The following RABGAP1L variants were observed in gnomAD, a reference collection of about 807,000 sequenced individuals.
RABGAP1L encodes the protein rab GTPase-activating protein 1-like.
Under a neutral mutation model 137.7 loss-of-function variants are expected in RABGAP1L, and 63 were observed. The ratio of observed to expected loss-of-function variants is 0.46; its 90% CI spans 0.37 to 0.56. RABGAP1L has a LOEUF of 0.56. Ranked by LOEUF, RABGAP1L falls within the 20% of genes least tolerant of loss-of-function variation. The pLI, the probability that RABGAP1L is intolerant of heterozygous loss-of-function variation, is 0.00. For missense variants in RABGAP1L, 1,095 were observed against 1,244.0 expected, an observed-to-expected ratio of 0.88 and a Z score of 1.80; for synonymous variants, 431 against 433.7, an observed-to-expected ratio of 0.99 and a Z score of 0.08.
chr1:174,583,469 CA>C lies in RABGAP1L; in HGVS notation c.1711-53902del, dbSNP rs1668888200. 2.6e-5 allele frequency among the ~76,000 whole-genome samples: 4 copies of C among 152,078 alleles called. No homozygotes were observed. The South Asian group carries it at 8.3e-4, about 32-fold the overall frequency. On this transcript the variant is annotated intron_variant, in intron 13 of 25. Transcript: ENST00000681986. ...TGTATGTTTGCCTGTGAGTCAGATG[CA>C]AAAGTTTTCAGTAATTATTCTATGA... is the stretch of plus-strand genomic sequence containing the variant.
intron 13 of RABGAP1L, among the ~76,000 whole-genome samples, chr1:174,471,762 C>T (rs974716570): frequency 3.3e-5 from 5 of 152,288 alleles, no homozygotes; most frequent in African/African-American, 1.2e-4. Context: ...TTTCAGGAGT[C>T]AGACCAGATA....
intron 13 of RABGAP1L, among the ~76,000 whole-genome samples, chr1:174,431,936 A>G (rs1335896161): frequency 6.6e-6 from 1 of 152,024 alleles, no homozygotes; most frequent in Non-Finnish European, 1.5e-5. Flanking sequence ...ACTTGGGATC[A>G]TTTTTCTTTT....
At chr1:174,588,614 T>G (rs770996391) in intron 13 of RABGAP1L, among the ~76,000 whole-genome samples, 1 of 152,194 alleles carries the variant, frequency 6.6e-6, no homozygotes, top group Non-Finnish European at 1.5e-5. Flanking sequence ...CCCGCTACCC[T>G]TCTCAACCTA....
intron 11 of RABGAP1L, among the ~76,000 whole-genome samples, chr1:174,366,544 C>T (rs372351465): frequency 8.6e-5 from 13 of 151,876 alleles, no homozygotes; most frequent in African/African-American, 3.1e-4. Context: ...CTGAGGTGGA[C>T]AGATCACTTG....
chr1:174,377,519 A>T (rs1685652887), intron 12 of RABGAP1L, among the ~76,000 whole-genome samples: 1 of 152,218 alleles, frequency 6.6e-6, no homozygotes, highest in Non-Finnish European at 1.5e-5. Context: ...TGGCATAGAA[A>T]AGAGAGTTCA....
intron 1 of RABGAP1L, among the ~76,000 whole-genome samples, chr1:174,212,086 A>G (rs1365679987): frequency 6.6e-6 from 1 of 152,158 alleles, no homozygotes; most frequent in Non-Finnish European, 1.5e-5. Flanking sequence ...CAAAAAATCA[A>G]CAAAGAGTAA....
chr1:174,246,256 T>C (rs974646893), intron 5 of RABGAP1L: 27 of 152,202 alleles, frequency 1.8e-4, no homozygotes, highest in Admixed American at 5.9e-4. Context: ...CAAACAGATA[T>C]ACAGTTTTGT....
At chr1:174,695,467 T>G (rs1387747563) in intron 15 of RABGAP1L, among the ~76,000 whole-genome samples, 1 of 152,164 alleles carries the variant, frequency 6.6e-6, no homozygotes, top group African/African-American at 2.4e-5. Context: ...TTTTTATTAT[T>G]TCAGTCTTTT....
intron 18 of RABGAP1L, among the ~76,000 whole-genome samples, chr1:174,809,152 A>G (rs886965830): frequency 2.0e-5 from 3 of 152,214 alleles, no homozygotes; most frequent in African/African-American, 7.2e-5. Context: ...ACACCTTTGT[A>G]TACTTGAGCC....
At chr1:174,677,536 G>A (rs1263983779) in intron 14 of RABGAP1L, among the ~76,000 whole-genome samples, 1 of 152,180 alleles carries the variant, frequency 6.6e-6, no homozygotes, top group Non-Finnish European at 1.5e-5. Context: ...CATTTCTTAT[G>A]GCTAAGGTTG....
chr1:174,220,924 T>A (rs747821961), intron 2 of RABGAP1L, 48 bp from the exon 3 acceptor site: 3 of 1,429,046 alleles, frequency 2.1e-6, no homozygotes, highest in Non-Finnish European at 2.8e-6. Context: ...AAATTTAGCT[T>A]CAGAACTATG....
chr1:174,530,176 A>G (rs2147883031), intron 13 of RABGAP1L, among the ~76,000 whole-genome samples: 2 of 151,568 alleles, frequency 1.3e-5, no homozygotes, highest in Admixed American at 1.3e-4. Flanking sequence ...CAGCAGCACA[A>G]CTGCCTTGTC....
intron 13 of RABGAP1L, among the ~76,000 whole-genome samples, chr1:174,607,388 C>G (rs1440873762): frequency 1.3e-5 from 2 of 152,166 alleles, no homozygotes; most frequent in African/African-American, 4.8e-5. Flanking sequence ...GCAATACCTG[C>G]TCTCAGAGGG....
At position 174,167,364 on chromosome 1, in the gene RABGAP1L, G is replaced by A. The variant is rs546320699; in HGVS notation, c.-34+7707G>A. On this transcript the variant is annotated intron_variant, in intron 1 of 25. Coordinates refer to ENST00000681986, the MANE Select transcript of RABGAP1L (RefSeq NM_001366446.1). ...TGTAAACATTTGTAAAGATATACAC[G>A]CATACACATAGTGTGCATATATGTA... Among the ~76,000 whole-genome samples the A allele has an allele frequency of 1.3e-4, 20 of 152,190 alleles. No individual in the cohort carries two copies. In the South Asian group the frequency reaches 2.7e-3, roughly 20 times the overall value.
intron 19 of RABGAP1L, among the ~76,000 whole-genome samples, chr1:174,857,559 C>A (rs1352252159): frequency 6.6e-6 from 1 of 151,996 alleles, no homozygotes; most frequent in Non-Finnish European, 1.5e-5. Flanking sequence ...ATAATAAATT[C>A]ATCAATAAAC....
chr1:174,700,461 G>C (rs1018916217), intron 16 of RABGAP1L: 1 of 152,298 alleles, frequency 6.6e-6, no homozygotes, highest in Admixed American at 6.5e-5. Context: ...TGGAATGTGA[G>C]AGCAGAAGAT....
chr1:174,426,942 C>G (rs1043169179), intron 13 of RABGAP1L, among the ~76,000 whole-genome samples: 6 of 151,968 alleles, frequency 3.9e-5, no homozygotes, highest in Admixed American at 3.3e-4. Flanking sequence ...TCAATCATAA[C>G]AATATGTAAT....
At chr1:174,723,115 C>T (rs1274283553) in intron 17 of RABGAP1L, among the ~76,000 whole-genome samples, 1 of 152,010 alleles carries the variant, frequency 6.6e-6, no homozygotes, top group Non-Finnish European at 1.5e-5. Flanking sequence ...GCTCTTGTTG[C>T]CCAGGCTGGA....
chr1:174,605,907 A>G (rs1670757820), intron 13 of RABGAP1L, among the ~76,000 whole-genome samples: 1 of 152,202 alleles, frequency 6.6e-6, no homozygotes, highest in African/African-American at 2.4e-5. Flanking sequence ...TAAACTTTTC[A>G]TAAAGCATGA....
Sources: gnomAD v4.1 joint callset for allele counts (sites outside exome capture counted in the v4.1 genomes callset) on GRCh38, gnomAD v4.1.1 for gene constraint, MANE v1.5 for transcripts, NCBI Gene and HGNC (gene_info 2026-07-23, HGNC 2026-07-21) for gene names.